The following SYNE2 variants were observed in gnomAD, a reference collection of about 807,000 sequenced individuals.
SYNE2 encodes nesprin-2.
Under a neutral mutation model 856.3 loss-of-function variants are expected in SYNE2, and 431 were observed. The observed-to-expected ratio is 0.50, with a 90% CI of 0.47 to 0.55. SYNE2 has a LOEUF of 0.55. SYNE2 is among the 20% of genes least tolerant of loss of function. The pLI is 0.00. For missense variants in SYNE2, 8,129 were observed against 8,023.2 expected (o/e 1.01, Z -0.50); for synonymous variants, 2,923 against 2,872.3 (o/e 1.02, Z -0.56).
chr14:63,995,086 A>C lies in SYNE2; in HGVS notation c.2824A>C (p.Ile942Leu). Residue 942 changes from isoleucine to leucine, a missense_variant, in exon 23 of 116, where the codon ATA becomes CTA. Ile to Leu is a conservative substitution (Grantham distance 5, BLOSUM62 2). Coordinates refer to ENST00000555002, the MANE Select transcript of SYNE2 (RefSeq NM_182914.3). Reference protein sequence around the residue: ...ELSLYVQQLKIDIEKGKLSDN... With the variant: ...ELSLYVQQLKLDIEKGKLSDN... Reference sequence around the variant, plus strand: ...GTCTTTATATGTTCAACAACTAAAAATAGATATTGAAAAAGGAAAGCTTAG... The same window carrying C: ...GTCTTTATATGTTCAACAACTAAAACTAGATATTGAAAAAGGAAAGCTTAG... 6.4e-7 allele frequency: 1 copy of C among 1,574,138 alleles called. No homozygotes were observed. Among genetic ancestry groups the C allele is most frequent in the Non-Finnish European group, 8.7e-7 (1 of 1,152,232 alleles).
chr14:64,177,408 A>G lies in SYNE2; in HGVS notation c.17481A>G (p.Gln5827=), dbSNP rs780936659. The G allele has an allele frequency of 2.5e-6, 4 of 1,614,158 alleles. No individual in the cohort carries two copies. The highest frequency in any genetic ancestry group is 2.2e-5 in the South Asian group (2 of 91,072). Residue 5827 remains glutamine (Q), a synonymous_variant, in exon 96 of 116, where the codon CAA becomes CAG. Coordinates refer to ENST00000555002, the MANE Select transcript of SYNE2 (RefSeq NM_182914.3). ...TCAAGGAGTTGAAAAGCAGGCTGCA[A>G]GTTTTAAAGGCACAAAGTGAAGATC... The part of the protein sequence containing the change: ...KKIKELKSRL[Q]VLKAQSEDPL...
Position 64,022,782 on chromosome 14 carries a change from C to A in SYNE2, c.5556C>A (p.Ser1852Arg). The A allele has an allele frequency of 1.2e-6, 2 of 1,607,270 alleles. No individual in the cohort carries two copies. Among genetic ancestry groups the A allele is most frequent in the Non-Finnish European group, 1.7e-6 (2 of 1,174,684 alleles). ...GCAAGAACTTTAATGACTGGTTCAG[C>A]AACATTAAAGTGAACCTTAAGGAGT... ...DQCKNFNDWF[S>R]NIKVNLKECF... The change falls in exon 38 of 116, where the codon AGC (serine) becomes AGA (arginine). Residue 1852 changes from serine (S) to arginine (R), a missense_variant. Transcript: ENST00000555002.
chr14:64,210,226 C>A, intron 103 of SYNE2, 102 bp downstream of exon 103: 2 of 1,395,116 alleles, frequency 1.4e-6, no homozygotes, highest in South Asian at 1.4e-5. Flanking sequence ...TAGAAGGTTT[C>A]ACTTCAGGCC....
chr14:63,963,243 A>T (rs914582621), intron 9 of SYNE2, among the ~76,000 whole-genome samples: 3 of 152,204 alleles, frequency 2.0e-5, no homozygotes, highest in Non-Finnish European at 4.4e-5. Flanking sequence ...TTTTCATATT[A>T]AAAAAATAAA....
At chr14:64,209,267 C>T (rs2098627426) in intron 101 of SYNE2, 161 bp from the exon 102 acceptor site, 58 of 1,237,182 alleles carry the variant, frequency 4.7e-5, no homozygotes, top group Non-Finnish European at 6.6e-5. Context: ...TTGGCGCTCC[C>T]AGGCAGGAGG....
intron 49 of SYNE2, among the ~76,000 whole-genome samples, chr14:64,059,176 G>A (rs1294586069): frequency 6.6e-6 from 1 of 152,080 alleles, no homozygotes; most frequent in Admixed American, 6.6e-5. Flanking sequence ...GACTTATTTA[G>A]TTTGTTTGGT....
chr14:63,772,375 CA>C (rs1192091297), intron 1 of SYNE2, among the ~76,000 whole-genome samples: 1 of 149,934 alleles, frequency 6.7e-6, no homozygotes. Context: ...AACAAACAAA[CA>C]AAAAACCTCA....
At chr14:63,932,129 CA>C (rs1288103552) in intron 2 of SYNE2, among the ~76,000 whole-genome samples, 2 of 152,136 alleles carry the variant, frequency 1.3e-5, no homozygotes, top group Non-Finnish European at 2.9e-5. Context: ...GTAATCCCAG[CA>C]CTTGGGAGGC....
rs370013566 is a variant in SYNE2 at position 64,113,295 on chromosome 14, G to A, written c.12610-46G>A. 27 of 1,612,120 alleles carry A rather than the reference G, an allele frequency of 1.7e-5. No homozygotes were observed. The African/African-American group carries it at 3.5e-4, about 21-fold the overall frequency. On this transcript the variant is annotated intron_variant, in intron 65 of 115. Transcript: ENST00000555002. ...GGTTCCCAGGTCTTTGCAGGCCCAA[G>A]TCTGAAAACTTTGGACTCCCTGGCT...
intron 52 of SYNE2, among the ~76,000 whole-genome samples, chr14:64,072,019 T>A (rs2097413766): frequency 6.6e-6 from 1 of 152,016 alleles, no homozygotes. Context: ...AAAATAAAAA[T>A]AAAAAATGTA....
chr14:63,894,592 G>C (rs2095213967), intron 1 of SYNE2, among the ~76,000 whole-genome samples: 1 of 152,050 alleles, frequency 6.6e-6, no homozygotes, highest in African/African-American at 2.4e-5. Flanking sequence ...AAAATACACT[G>C]CAGAGCCTGG....
chr14:64,122,153 A>AT lies in SYNE2; in HGVS notation c.13280+20_13280+21insT. 1.2e-6 allele frequency: 2 copies of AT among 1,614,170 alleles called. No individual in the cohort carries two copies. Among genetic ancestry groups the AT allele is most frequent in the Admixed American group, 3.3e-5 (2 of 60,030 alleles). ...TGCAAGGTAAAACATTTAAAAATAG[A>AT]GTTGGTCATTCAGTGGTTTTATGAC... On this transcript the variant is annotated intron_variant, in intron 69 of 115. Coordinates refer to ENST00000555002, the MANE Select transcript of SYNE2 (RefSeq NM_182914.3).
chr14:64,120,919 T>A lies in SYNE2; in HGVS notation c.13024-8T>A, dbSNP rs775518296. The A allele has an allele frequency of 1.4e-5, 23 of 1,613,998 alleles. No individual in the cohort carries two copies. The highest frequency in any genetic ancestry group is 1.9e-5 in the Non-Finnish European group (22 of 1,179,926). On this transcript the variant is annotated splice_region_variant and splice_polypyrimidine_tract_variant and intron_variant, in intron 67 of 115. Transcript: ENST00000555002. ...ATAAATAGCCTGCCATTATGAAATG[T>A]TTTGCAGCATCCTACCATTCTAAAG...
At chr14:64,101,550 C>G (rs1288333817) in intron 63 of SYNE2, among the ~76,000 whole-genome samples, 1 of 152,166 alleles carries the variant, frequency 6.6e-6, no homozygotes, top group Non-Finnish European at 1.5e-5. Context: ...TCAAGTGATC[C>G]TCCCACTTCA....
At chr14:63,948,229 G>A (rs899388383) in intron 6 of SYNE2, among the ~76,000 whole-genome samples, 5 of 150,984 alleles carry the variant, frequency 3.3e-5, no homozygotes, top group African/African-American at 1.2e-4. Flanking sequence ...GGATTGCATG[G>A]CATATATGAA....
chr14:64,219,749 A>C (rs1375777756), intron 110 of SYNE2, among the ~76,000 whole-genome samples: 1 of 152,184 alleles, frequency 6.6e-6, no homozygotes, highest in East Asian at 1.9e-4. Context: ...CCACTCTTCC[A>C]AACTGTATGC....
At position 64,024,434 on chromosome 14, in the gene SYNE2, G is replaced by A. The variant is rs2096961594; in HGVS notation, c.5815G>A (p.Glu1939Lys). The A allele has an allele frequency of 1.2e-6, 2 of 1,613,966 alleles. No homozygotes were observed. The highest frequency in any genetic ancestry group is 2.2e-5 in the East Asian group (1 of 44,898). ...SICQARAKEL[E>K]DSLQQLLRLQ... Reference sequence around the variant, plus strand: ...ATGCCAGGCTCGAGCAAAGGAGCTTGAAGACTCCTTGCAGCAGCTACTGAG... The same window carrying A: ...ATGCCAGGCTCGAGCAAAGGAGCTTAAAGACTCCTTGCAGCAGCTACTGAG... Residue 1939 changes from glutamate (E) to lysine (K), a missense_variant, in exon 39 of 116, where the codon GAA becomes AAA. Physicochemically the swap from Glu to Lys is moderately conservative, Grantham distance 56. This residue lies in a region of SYNE2 where 2,422 missense variants were observed against 2,357.4 expected (regional missense o/e 1.03). Coordinates refer to ENST00000555002, the MANE Select transcript of SYNE2 (RefSeq NM_182914.3).
At chr14:64,209,193 C>T in intron 101 of SYNE2, 1 of 818,816 alleles carries the variant, frequency 1.2e-6, no homozygotes, top group African/African-American at 1.7e-5. Context: ...CCTAGCTGGG[C>T]AGTAGTGGAG....
At chr14:63,977,458 C>G (rs1286396358) in intron 12 of SYNE2, among the ~76,000 whole-genome samples, 1 of 152,154 alleles carries the variant, frequency 6.6e-6, no homozygotes, top group Non-Finnish European at 1.5e-5. Flanking sequence ...GTGATCTGCC[C>G]ACCTCGGCCT....
Sources: allele counts gnomAD v4.1 joint callset (sites outside exome capture counted in the v4.1 genomes callset), GRCh38; gene constraint gnomAD v4.1.1; regional missense constraint gnomAD v4.1.1; transcripts MANE v1.5; gene names NCBI Gene and HGNC (gene_info 2026-07-23, HGNC 2026-07-21).